Variants in RUNX1T1 observed in about 807,000 individuals in gnomAD.
RUNX1T1 encodes RUNX1 partner transcriptional co-repressor 1, also known as protein CBFA2T1.
In RUNX1T1, 4 loss-of-function variants were observed where a neutral mutation model predicts 62.8. That is an observed-to-expected ratio of 0.06 (90% confidence interval 0.03 to 0.15). The LOEUF (loss-of-function observed/expected upper bound fraction) is 0.15. Among genes scored for constraint, RUNX1T1 ranks in the 10% least tolerant of loss-of-function variants. The pLI is 1.00. For synonymous variants in RUNX1T1, 291 were observed against 286.0 expected, an observed-to-expected ratio of 1.02 and a Z score of -0.18; for missense variants, 508 against 754.3, an observed-to-expected ratio of 0.67 and a Z score of 3.82.
At chr8:92,101,518 G>A (rs961618742), upstream of RUNX1T1, among the ~76,000 whole-genome samples, 1 of 152,126 alleles carries the variant, frequency 6.6e-6, no homozygotes. Context: ...AGCCAGACTA[G>A]GGCACGGTGG....
chr8:92,076,466 CA>C (rs1834436777), intron 1 of RUNX1T1, among the ~76,000 whole-genome samples: 1 of 151,804 alleles, frequency 6.6e-6, no homozygotes. Context: ...TTACCTGTTT[CA>C]AAAAAATAAA....
At chr8:92,060,522 AATAT>A (rs61066655) in intron 1 of RUNX1T1, among the ~76,000 whole-genome samples, 3,819 of 76,140 alleles carry the variant, frequency 0.05, 157 homozygotes, top group African/African-American at 0.11. Flanking sequence ...TCAACTACCA[AATAT>A]ATATATATAT....
chr8:91,986,075 C>T (rs2130822459), intron 8 of RUNX1T1, 49 bp downstream of exon 9: 2 of 1,241,222 alleles, frequency 1.6e-6, no homozygotes, highest in South Asian at 2.4e-5. Context: ...TCAGCATTAA[C>T]AGCATAAGAA....
At chr8:92,090,183 C>A (rs994786566) in intron 1 of RUNX1T1, among the ~76,000 whole-genome samples, 6 of 151,546 alleles carry the variant, frequency 4.0e-5, no homozygotes, top group Non-Finnish European at 8.8e-5. Context: ...CACACAGACA[C>A]CAGGTCCTTT....
intron 1 of RUNX1T1, among the ~76,000 whole-genome samples, chr8:92,079,413 TCA>T (rs1163273548): frequency 6.6e-6 from 1 of 152,186 alleles, no homozygotes; most frequent in Non-Finnish European, 1.5e-5. Flanking sequence ...TGTCAAAGCT[TCA>T]CCATTTCTTT....
chr8:92,025,384 C>T (rs928075143), intron 1 of RUNX1T1, among the ~76,000 whole-genome samples: 57 of 152,298 alleles, frequency 3.7e-4, no homozygotes, highest in Non-Finnish European at 1.5e-4. Context: ...CCATCCACCC[C>T]ATCCCCACCT....
At chr8:92,005,084 C>T in intron 5 of RUNX1T1, 32 bp downstream of exon 6, 2 of 1,559,256 alleles carry the variant, frequency 1.3e-6, no homozygotes, top group Non-Finnish European at 1.7e-6. Context: ...GGAAAAAGGT[C>T]ATGGTTCATC....
intron 1 of RUNX1T1, among the ~76,000 whole-genome samples, chr8:92,084,751 G>A (rs1835833605): frequency 6.6e-6 from 1 of 152,150 alleles, no homozygotes; most frequent in African/African-American, 2.4e-5. Context: ...TGGCTTCCCT[G>A]CAGAAAGAGC....
At chr8:92,096,000 A>G (rs1343355857) in intron 1 of RUNX1T1, among the ~76,000 whole-genome samples, 1 of 152,180 alleles carries the variant, frequency 6.6e-6, no homozygotes. Context: ...GAGTCTATAG[A>G]GCAGTTAAGC....
downstream of RUNX1T1, chr8:91,956,683 C>T (rs1468898129): frequency 2.2e-5 from 5 of 226,016 alleles, no homozygotes; most frequent in South Asian, 7.3e-4. Context: ...AGCATGATGC[C>T]TAGACCCCAC....
At chr8:92,011,594 C>T (rs1273637322) in intron 3 of RUNX1T1, among the ~76,000 whole-genome samples, 2 of 152,184 alleles carry the variant, frequency 1.3e-5, no homozygotes, top group Non-Finnish European at 2.9e-5. Flanking sequence ...GCCAAAGCAT[C>T]TTTGCTCAGG....
chr8:92,102,436 A>G (rs1339898531), upstream of RUNX1T1, among the ~76,000 whole-genome samples: 1 of 151,784 alleles, frequency 6.6e-6, no homozygotes, highest in Non-Finnish European at 1.5e-5. This position sits in a 1 kb window ranked among gnomAD's most constrained non-coding sequence, Gnocchi z 4.5. Context: ...AAAAAAAAAA[A>G]AGAAAGGAAA....
chr8:92,000,787 TA>T (rs1348512182), intron 5 of RUNX1T1, among the ~76,000 whole-genome samples: 1 of 152,084 alleles, frequency 6.6e-6, no homozygotes, highest in Non-Finnish European at 1.5e-5. Flanking sequence ...AAAATATATA[TA>T]AAACCTCAGA....
rs931538685 is a variant in RUNX1T1 at position 91,984,525 on chromosome 8, T to C, written c.1198+1599A>G. Among the ~76,000 whole-genome samples, 3 of 152,302 alleles carry C rather than the reference T, an allele frequency of 2.0e-5. 1 individual carries two copies. Among genetic ancestry groups the C allele is most frequent in the Admixed American group, 6.5e-5 (1 of 15,296 alleles). ...AAGAAATGAAGACTTTTTCCTTCATTAGAATGCCTAGCACATTGCCTGGCA... is the reference window on the plus strand; with the variant it reads ...AAGAAATGAAGACTTTTTCCTTCATCAGAATGCCTAGCACATTGCCTGGCA... On this transcript the variant is annotated intron_variant, in intron 8 of 10. Transcript: ENST00000396218.
chr8:91,970,018 C>CTGTGTGTGTGTG (rs1554595112), intron 10 of RUNX1T1, among the ~76,000 whole-genome samples: 5 of 142,644 alleles, frequency 3.5e-5, no homozygotes, highest in African/African-American at 1.3e-4. Flanking sequence ...TTTAGGCTAG[C>CTGTGTGTGTGTG]TGTGTGTGTG....
chr8:91,972,065 C>G (rs1378395712), intron 9 of RUNX1T1, among the ~76,000 whole-genome samples: 1 of 152,150 alleles, frequency 6.6e-6, no homozygotes, highest in African/African-American at 2.4e-5. Context: ...TGACATGTTT[C>G]ATTCAAGTGT....
chr8:92,038,046 C>CTTTATTTA (rs58091057), intron 1 of RUNX1T1, among the ~76,000 whole-genome samples: 22,299 of 150,020 alleles, frequency 0.15, 2,125 homozygotes, highest in Non-Finnish European at 0.21. Context: ...CAAAATTCTT[C>CTTTATTTA]TTTATTTATT....
At chr8:92,000,240 A>AG (rs1412396887) in intron 5 of RUNX1T1, among the ~76,000 whole-genome samples, 1 of 152,092 alleles carries the variant, frequency 6.6e-6, no homozygotes, top group Admixed American at 6.6e-5. Context: ...CAGGAGGTGG[A>AG]GGTTGCAGTG....
chr8:92,082,535 C>A (rs1416316109), intron 1 of RUNX1T1, among the ~76,000 whole-genome samples: 1 of 152,148 alleles, frequency 6.6e-6, no homozygotes, highest in Non-Finnish European at 1.5e-5. Context: ...TCCCTTGAGG[C>A]CCCACACACA....
Sources: allele counts gnomAD v4.1 joint callset (sites outside exome capture counted in the v4.1 genomes callset), GRCh38; gene constraint gnomAD v4.1.1; non-coding constraint Gnocchi (gnomAD v3.1); transcripts MANE v1.5; gene names NCBI Gene and HGNC (gene_info 2026-07-23, HGNC 2026-07-21).